Variants in RPL4 observed in about 807,000 individuals in gnomAD.
The protein encoded by RPL4 is large ribosomal subunit protein uL4.
Under a neutral mutation model 47.7 loss-of-function variants are expected in RPL4, and 3 were observed. The observed-to-expected ratio is 0.06, with a 90% CI of 0.03 to 0.16. RPL4 has a LOEUF of 0.16. Ranked by LOEUF, RPL4 falls within the 10% of genes least tolerant of loss-of-function variation. RPL4 has a pLI of 1.00. For synonymous variants in RPL4, 208 were observed against 182.1 expected (o/e 1.14, Z -1.15); for missense variants, 413 against 551.3 (o/e 0.75, Z 2.51).
rs1217560219 is a variant in RPL4, at chr15:66,502,654, C to A, written c.379G>T (p.Ala127Ser). 1.9e-6 allele frequency: 3 copies of A among 1,613,184 alleles called. No individual in the cohort carries two copies. The highest frequency in any genetic ancestry group is 4.5e-5 in the East Asian group (2 of 44,886). Residue 127 changes from alanine to serine, a missense_variant, in exon 4 of 10, where the codon GCC becomes TCC. Around this residue, in one of 4 missense-constraint regions of RPL4, gnomAD observed 214 missense variants for 304.2 expected, o/e 0.70. Transcript: ENST00000307961. ...GCTGGTAGGGCTGAGGCAGCCAGGG[C>A]AGAACAGATGGCGTATCGTTTTTGG... ...TTQKRYAICSALAASALPALV... is the reference protein window; with the variant it reads ...TTQKRYAICSSLAASALPALV...
At position 66,499,601 on chromosome 15, in the gene RPL4, T is replaced by G; in HGVS notation, c.1090A>C (p.Lys364Gln). 1 of 1,614,048 alleles carries G rather than the reference T, an allele frequency of 6.2e-7. No individual in the cohort carries two copies. The highest frequency in any genetic ancestry group is 8.5e-7 in the Non-Finnish European group (1 of 1,179,890). ...GCAACCGCCGCCTTCTCATCTGATT[T>G]GGCTTGTAGTGCCGCTGCTGCAGCA... ...AAAAAAALQA[K>Q]SDEKAAVAGK... The change falls in exon 10 of 10, where the codon AAA (lysine) becomes CAA (glutamine). Residue 364 changes from lysine to glutamine, a missense_variant. By Grantham distance (53) the Lys-to-Gln change is moderately conservative (BLOSUM62 1). Coordinates refer to ENST00000307961, the MANE Select transcript of RPL4 (RefSeq NM_000968.4).
rs370973600 is a variant in RPL4 at position 66,503,380 on chromosome 15, G to C, written c.153C>G (p.Pro51=). 6.2e-7 allele frequency: 1 copy of C among 1,610,272 alleles called. No individual in the cohort carries two copies. The highest frequency in any genetic ancestry group is 8.5e-7 in the Non-Finnish European group (1 of 1,176,672). ...TACCTGCTAATTCACTGACAGCATA[G>C]GGCTGTCTGTTGTTTTTGCGCAAGT... ...HTNLRKNNRQ[P]YAVSELAGHQ... The change falls in exon 2 of 10, where the codon CCC becomes CCG. Residue 51 remains proline, a synonymous_variant. Coordinates refer to ENST00000307961, the MANE Select transcript of RPL4 (RefSeq NM_000968.4).
chr15:66,502,868 G>A (rs1415448083), intron 3 of RPL4, 118 bp from the exon 4 acceptor site: 8 of 1,503,644 alleles, frequency 5.3e-6, no homozygotes, highest in Non-Finnish European at 7.4e-6. Flanking sequence ...GCAGGCAACT[G>A]TCGCTGAGAA....
intron 7 of RPL4, 51 bp downstream of exon 7, chr15:66,500,898 G>A: frequency 6.3e-7 from 1 of 1,575,390 alleles, no homozygotes; most frequent in Non-Finnish European, 8.6e-7. Flanking sequence ...AATTCTGAAT[G>A]TTAATATCCA....
Position 66,500,086 on chromosome 15 carries a change from G to C in RPL4, c.1008C>G (p.Arg336=). 4.3e-6 allele frequency: 7 copies of C among 1,612,138 alleles called. No individual in the cohort carries two copies. The highest frequency in any genetic ancestry group is 5.9e-6 in the Non-Finnish European group (7 of 1,179,854). Residue 336 remains arginine, a synonymous_variant, in exon 9 of 10, where the codon CGC becomes CGG. Transcript: ENST00000307961. ...LKLNPYAKTM[R]RNTILRQARN... ...TGGCCTGGCGAAGAATGGTGTTCCG[G>C]CGCATGGTCTTTGCATATGGGTTTA...
At chr15:66,500,617 A>G in intron 7 of RPL4, 2 of 553,050 alleles carry the variant, frequency 3.6e-6, no homozygotes, top group Non-Finnish European at 6.4e-6. Context: ...AACATGGTAA[A>G]ACCCCAACTC....
intron 4 of RPL4, 52 bp from the exon 5 acceptor site, chr15:66,501,964 A>T: frequency 6.3e-7 from 1 of 1,582,270 alleles, no homozygotes; most frequent in Non-Finnish European, 8.6e-7. Flanking sequence ...TTTGGAGAAA[A>T]AAAAAAAATC....
intron 1 of RPL4, 137 bp downstream of exon 1, chr15:66,504,651 C>T (rs1303815967): frequency 9.2e-6 from 12 of 1,305,100 alleles, no homozygotes; most frequent in Non-Finnish European, 1.3e-5. Context: ...CCCAGTTCCA[C>T]ACCAGAAAAA....
rs888264064 is a variant in RPL4, at chr15:66,498,283, A to G, written c.*1124T>C. On this transcript the variant is annotated 3_prime_UTR_variant, in exon 10 of 10. Transcript: ENST00000307961. The stretch of plus-strand genomic sequence containing the variant: ...AAATAGAGAAATAAAGAGCATGAAA[A>G]TAAAGCCGTGCTAAGAAACGACGTG... 1 of 152,852 alleles carries G rather than the reference A, an allele frequency of 6.5e-6. No homozygotes were observed. The highest frequency in any genetic ancestry group is 6.5e-5 in the Admixed American group (1 of 15,316). 9.5% of individuals were successfully genotyped at this position (152,852 alleles called of 1,614,324 possible).
intron 7 of RPL4, 111 bp downstream of exon 7, chr15:66,500,838 G>A (rs1224052466): frequency 7.6e-7 from 1 of 1,322,626 alleles, no homozygotes; most frequent in Non-Finnish European, 1.0e-6. Context: ...TTGGCATACT[G>A]TTGCTGCACA....
chr15:66,500,390 G>GATTGACATGTACATGTAAAAGT lies in RPL4; in HGVS notation c.834-36_834-15dup. 1 of 1,608,684 alleles carries GATTGACATGTACATGTAAAAGT rather than the reference G, an allele frequency of 6.2e-7. No individual in the cohort carries two copies. The highest frequency in any genetic ancestry group is 8.5e-7 in the Non-Finnish European group (1 of 1,175,434). ...TGCATGGGAAGACTGAAAGGGAAAA[G>GATTGACATGTACATGTAAAAGT]ATTGACATGTACATGTAAAAGTAAT... On this transcript the variant is annotated splice_polypyrimidine_tract_variant and intron_variant, in intron 7 of 9. Coordinates refer to ENST00000307961, the MANE Select transcript of RPL4 (RefSeq NM_000968.4).
intron 9 of RPL4, 52 bp downstream of exon 9, chr15:66,500,004 C>A: frequency 6.2e-7 from 1 of 1,605,468 alleles, no homozygotes; most frequent in Non-Finnish European, 8.5e-7. Flanking sequence ...GCCTGGGTGA[C>A]AGAGCGAGAT....
chr15:66,502,461 C>A, intron 4 of RPL4, 151 bp downstream of exon 4: 1 of 815,636 alleles, frequency 1.2e-6, no homozygotes, highest in Admixed American at 3.2e-5. Flanking sequence ...CTGGAATATC[C>A]ATGAACTAAA....
At position 66,504,827 on chromosome 15, in the gene RPL4, GGCT is replaced by G. The variant is rs757306815; in HGVS notation, c.-40_-38del. ...GAGACAGCCACGCTCCTCTCAGCCCGGCTGCTGCCACAGGAAAAGGAAGTGCTT... is the reference window on the plus strand; with the variant it reads ...GAGACAGCCACGCTCCTCTCAGCCCGGCTGCCACAGGAAAAGGAAGTGCTT... On this transcript the variant is annotated 5_prime_UTR_variant, in exon 1 of 10. Transcript: ENST00000307961. The G allele has an allele frequency of 6.2e-7, 1 of 1,608,778 alleles. No homozygotes were observed. The highest frequency in any genetic ancestry group is 8.5e-7 in the Non-Finnish European group (1 of 1,178,312).
At chr15:66,501,716 T>A in intron 5 of RPL4, 72 bp downstream of exon 5, 1 of 1,585,242 alleles carries the variant, frequency 6.3e-7, no homozygotes, top group Non-Finnish European at 8.6e-7. Context: ...ATACTGCCCT[T>A]ATCTTCTGAA....
At position 66,504,824 on chromosome 15, in the gene RPL4, C is replaced by T. The variant is rs1436889316; in HGVS notation, c.-34G>A. The T allele has an allele frequency of 4.4e-6, 7 of 1,609,186 alleles. No individual in the cohort carries two copies. The highest frequency in any genetic ancestry group is 4.5e-5 in the East Asian group (2 of 44,854). Reference sequence around the variant, plus strand: ...GAGGAGACAGCCACGCTCCTCTCAGCCCGGCTGCTGCCACAGGAAAAGGAA... The same window carrying T: ...GAGGAGACAGCCACGCTCCTCTCAGTCCGGCTGCTGCCACAGGAAAAGGAA... On this transcript the variant is annotated 5_prime_UTR_variant, in exon 1 of 10. Coordinates refer to ENST00000307961, the MANE Select transcript of RPL4 (RefSeq NM_000968.4).
chr15:66,499,484 C>G lies in RPL4; in HGVS notation c.1207G>C (p.Ala403Pro). The G allele has an allele frequency of 6.2e-7, 1 of 1,612,006 alleles. No individual in the cohort carries two copies. The highest frequency in any genetic ancestry group is 8.5e-7 in the Non-Finnish European group (1 of 1,179,848). Residue 403 changes from alanine (A) to proline (P), a missense_variant, in exon 10 of 10, where the codon GCT (alanine) becomes CCT (proline). By Grantham distance (27) the Ala-to-Pro change is conservative (BLOSUM62 -1). Around this residue, in one of 4 missense-constraint regions of RPL4, gnomAD observed 134 missense variants for 122.7 expected, o/e 1.09. Transcript: ENST00000307961. ...TTTTCAGGGGCTGGTTTCTTGGTAG[C>G]TGCTGCCTTTTTTCCCACCAGAGGC... ...KKPLVGKKAAATKKPAPEKKP... is the reference protein window; with the variant it reads ...KKPLVGKKAAPTKKPAPEKKP...
rs547190058 is a variant in RPL4 at position 66,502,703 on chromosome 15, A to G, written c.330T>C (p.Arg110=). 9 of 1,614,056 alleles carry G rather than the reference A, an allele frequency of 5.6e-6. No individual in the cohort carries two copies. The highest frequency in any genetic ancestry group is 1.7e-5 in the Admixed American group (1 of 60,014). ...GGGTTGTGTTCACTCTACGATGCCA[A>G]CGGCGCCAGGTTTTGGTTGGTGCAA... ...RMFAPTKTWR[R]WHRRVNTTQK... is the part of the protein sequence containing the mutation. The change falls in exon 4 of 10, where the codon CGT becomes CGC. Residue 110 remains arginine, a synonymous_variant. Coordinates refer to ENST00000307961, the MANE Select transcript of RPL4 (RefSeq NM_000968.4).
At chr15:66,501,681 TTC>T in intron 5 of RPL4, 105 bp downstream of exon 5, 2 of 1,529,854 alleles carry the variant, frequency 1.3e-6, no homozygotes, top group East Asian at 2.3e-5. Context: ...GAGGTTCTTG[TTC>T]TCTCACACAT....
Sources: allele counts gnomAD v4.1 joint callset, GRCh38; gene constraint gnomAD v4.1.1; regional missense constraint gnomAD v4.1.1; transcripts MANE v1.5; gene names NCBI Gene and HGNC (gene_info 2026-07-23, HGNC 2026-07-21).